GPR19: variants seen among roughly 807,000 people sequenced by gnomAD.
The protein encoded by GPR19 is probable G protein-coupled receptor 19.
In GPR19, 14 loss-of-function variants were observed where a neutral mutation model predicts 28.5. The observed-to-expected ratio is 0.49, with a 90% CI of 0.32 to 0.77. The LOEUF (loss-of-function observed/expected upper bound fraction) is 0.77, where lower values mean the gene tolerates loss of function less well. Ranked by LOEUF, GPR19 falls within the 30% of genes least tolerant of loss-of-function variation. The probability of loss-of-function intolerance (pLI) is 0.03; values close to 1 mark genes in which losing one functional copy is unlikely to be tolerated. For synonymous variants in GPR19, 173 were observed against 184.1 expected (o/e 0.94, Z 0.49); for missense variants, 409 against 504.1 (o/e 0.81, Z 1.81).
At chr12:12,709,594 C>A in the GPR19 span, among the ~76,000 whole-genome samples, 1 of 152,210 alleles carries the variant, frequency 6.6e-6, no homozygotes, top group East Asian at 1.9e-4. Flanking sequence ...CACATGCCAC[C>A]ACACCTGGTT....
At chr12:12,666,112 T>G (rs1205772103) in intron 3 of GPR19, among the ~76,000 whole-genome samples, 3 of 152,102 alleles carry the variant, frequency 2.0e-5, no homozygotes, top group African/African-American at 7.2e-5. Flanking sequence ...TGGATTGAAT[T>G]TTGGGGTCAT....
chr12:12,668,859 G>A (rs148570761), intron 3 of GPR19: 3 of 152,220 alleles, frequency 2.0e-5, no homozygotes, highest in Admixed American at 6.5e-5. Context: ...CTTTATATGT[G>A]TAACCCCTCA....
intron 3 of GPR19, among the ~76,000 whole-genome samples, chr12:12,669,824 A>G (rs2136322192): frequency 6.6e-6 from 1 of 152,298 alleles, no homozygotes; most frequent in Admixed American, 6.5e-5. Flanking sequence ...AGGAGGCCAC[A>G]CAAGCTCTTC....
intron 3 of GPR19, among the ~76,000 whole-genome samples, chr12:12,683,743 T>A (rs762623355): frequency 6.6e-6 from 1 of 152,236 alleles, no homozygotes; most frequent in Non-Finnish European, 1.5e-5. Context: ...CACGGCTGAT[T>A]ATTTTAGCCT....
In GPR19 at chr12:12,661,769, T is replaced by C; in HGVS notation, c.680A>G (p.His227Arg). The C allele has an allele frequency of 6.2e-7, 1 of 1,610,176 alleles. No homozygotes were observed. Among genetic ancestry groups the C allele is most frequent in the South Asian group, 1.1e-5 (1 of 90,754 alleles). Residue 227 changes from histidine (H) to arginine (R), a missense_variant, in exon 4 of 4, where the codon CAC becomes CGC. By Grantham distance (29) the His-to-Arg change is conservative. Coordinates refer to ENST00000651487, the MANE Select transcript of GPR19 (RefSeq NM_006143.3). The surrounding 1 kb of genome is among the most constrained non-coding windows in gnomAD (Gnocchi z 4.2). ...TGGAATCACAAAGCCCACCAAGAAG[T>C]GGATGACAGTGTAGGCAGTGCCTTC... ...SWEGTAYTVI[H>R]FLVGFVIPSV...
intron 3 of GPR19, among the ~76,000 whole-genome samples, chr12:12,677,084 C>T (rs184344244): frequency 2.0e-5 from 3 of 152,300 alleles, no homozygotes; most frequent in Admixed American, 2.0e-4. Flanking sequence ...TTCTCAGGAG[C>T]ATTCACCTTC....
At chr12:12,697,355 T>C (rs1946281906), upstream of GPR19, among the ~76,000 whole-genome samples, 1 of 140,428 alleles carries the variant, frequency 7.1e-6, no homozygotes, top group Non-Finnish European at 1.5e-5. Flanking sequence ...TTTACAGATA[T>C]GACTGGATTC....
chr12:12,680,423 AGATGACT>A (rs1214965705), intron 3 of GPR19, among the ~76,000 whole-genome samples: 1 of 152,244 alleles, frequency 6.6e-6, no homozygotes, highest in Non-Finnish European at 1.5e-5. Context: ...AGGCTCCAGG[AGATGACT>A]GCTTTAAAGG....
chr12:12,698,801 G>A (rs1212339543), upstream of GPR19, among the ~76,000 whole-genome samples: 1 of 151,624 alleles, frequency 6.6e-6, no homozygotes, highest in East Asian at 2.0e-4. Context: ...TAGTACAGAC[G>A]GGGTTTCACC....
intron 3 of GPR19, among the ~76,000 whole-genome samples, chr12:12,665,709 C>T (rs1021796061): frequency 4.1e-5 from 6 of 147,922 alleles, no homozygotes; most frequent in Admixed American, 1.4e-4. Context: ...TGGTGGTGGG[C>T]GCCTGTAGTC....
At chr12:12,710,627 C>T in the GPR19 span, among the ~76,000 whole-genome samples, 2 of 152,158 alleles carry the variant, frequency 1.3e-5, no homozygotes, top group African/African-American at 4.8e-5. Context: ...ACATTGAACT[C>T]CTGGGCTCAA....
chr12:12,678,482 A>G (rs1405779152), intron 3 of GPR19, among the ~76,000 whole-genome samples: 1 of 152,196 alleles, frequency 6.6e-6, no homozygotes, highest in Non-Finnish European at 1.5e-5. Context: ...GAGAAAGGTA[A>G]TAAGAGAGAA....
At chr12:12,716,853 C>G in the GPR19 span, 3 of 983,934 alleles carry the variant, frequency 3.0e-6, no homozygotes, top group Non-Finnish European at 3.6e-6. Flanking sequence ...GGCGCCCAGC[C>G]CCCCCAGCAA....
At chr12:12,709,316 C>T in the GPR19 span, among the ~76,000 whole-genome samples, 4 of 152,222 alleles carry the variant, frequency 2.6e-5, no homozygotes, top group East Asian at 1.9e-4. Context: ...TTTGGTTGCT[C>T]GGGGCTGTCT....
intron 3 of GPR19, among the ~76,000 whole-genome samples, chr12:12,669,721 T>G (rs748084858): frequency 2.0e-5 from 3 of 152,188 alleles, no homozygotes; most frequent in Non-Finnish European, 4.4e-5. Flanking sequence ...TGTTAAACAT[T>G]TACCCGCACA....
Position 12,661,987 on chromosome 12 carries a change from G to A in GPR19, c.462C>T (p.Tyr154=), listed in dbSNP as rs559721815. 6.2e-6 allele frequency: 10 copies of A among 1,614,198 alleles called. No individual in the cohort carries two copies. Among genetic ancestry groups the A allele is most frequent in the Admixed American group, 3.3e-5 (2 of 60,032 alleles). The part of the protein sequence containing the change: ...FQYLTPGVQI[Y]VLLSICIDRF... Reference sequence around the variant, plus strand: ...GGTCTATGCAGATGGAGAGGAGAACGTAGATCTGGACACCTGGAGTGAGAT... The same window carrying A: ...GGTCTATGCAGATGGAGAGGAGAACATAGATCTGGACACCTGGAGTGAGAT... Residue 154 remains tyrosine (Y), a synonymous_variant, in exon 4 of 4, where the codon TAC becomes TAT. Transcript: ENST00000651487. The surrounding 1 kb of genome is among the most constrained non-coding windows in gnomAD (Gnocchi z 4.2).
the GPR19 span, among the ~76,000 whole-genome samples, chr12:12,708,765 G>T: frequency 6.6e-6 from 1 of 152,208 alleles, no homozygotes; most frequent in African/African-American, 2.4e-5. Flanking sequence ...AGTATTTAAA[G>T]TGGCTGGGCA....
chr12:12,706,168 T>C, the GPR19 span, among the ~76,000 whole-genome samples: 3 of 152,234 alleles, frequency 2.0e-5, no homozygotes, highest in Admixed American at 6.5e-5. Flanking sequence ...AGACTCCTCT[T>C]ATCAAGTCAT....
chr12:12,690,112 T>C (rs940063987), intron 2 of GPR19, among the ~76,000 whole-genome samples: 1 of 152,264 alleles, frequency 6.6e-6, no homozygotes, highest in Non-Finnish European at 1.5e-5. Context: ...TTTGTTTTCT[T>C]TTTTAAGCTC....
Sources: gnomAD v4.1 joint callset for allele counts (sites outside exome capture counted in the v4.1 genomes callset) on GRCh38, gnomAD v4.1.1 for gene constraint, Gnocchi (gnomAD v3.1) non-coding constraint, MANE v1.5 for transcripts, NCBI Gene and HGNC (gene_info 2026-07-23, HGNC 2026-07-21) for gene names.